AFF3: variants seen among roughly 807,000 people sequenced by gnomAD.
AFF3 encodes AF4/FMR2 family member 3.
A neutral mutation model predicts 129.7 loss-of-function variants in AFF3; 32 were observed. The observed-to-expected ratio is 0.25, with a 90% confidence interval of 0.19 to 0.33. The LOEUF is 0.33. Ranked by LOEUF, AFF3 falls within the 10% of genes least tolerant of loss-of-function variation. The probability of loss-of-function intolerance (pLI) is 1.00; values close to 1 mark genes in which losing one functional copy is unlikely to be tolerated. For missense variants in AFF3, 1,373 were observed against 1,592.0 expected, an observed-to-expected ratio of 0.86 and a Z score of 2.34; for synonymous variants, 644 against 635.4, an observed-to-expected ratio of 1.01 and a Z score of -0.20.
At chr2:99,730,680 A>T (rs1329053953) in intron 10 of AFF3, among the ~76,000 whole-genome samples, 1 of 151,746 alleles carries the variant, frequency 6.6e-6, no homozygotes, top group Non-Finnish European at 1.5e-5. Flanking sequence ...ATGCCCGGCT[A>T]ATGTTTTTAT....
At chr2:99,843,437 G>A (rs1025608812) in intron 7 of AFF3, among the ~76,000 whole-genome samples, 1 of 152,044 alleles carries the variant, frequency 6.6e-6, no homozygotes. Flanking sequence ...AAAATGCAAA[G>A]GAAAAATACA....
chr2:99,980,038 TC>T (rs1235905146), intron 7 of AFF3, among the ~76,000 whole-genome samples: 1 of 150,004 alleles, frequency 6.7e-6, no homozygotes, highest in Admixed American at 6.6e-5. Context: ...AATCTAAGTT[TC>T]CAGCCATTTT....
chr2:99,915,786 G>A (rs1443550109), intron 7 of AFF3, among the ~76,000 whole-genome samples: 1 of 152,032 alleles, frequency 6.6e-6, no homozygotes, highest in African/African-American at 2.4e-5. Flanking sequence ...TACTGTATTA[G>A]TCTATGTACT....
Position 99,593,829 on chromosome 2 carries a change from G to A in AFF3, c.1832C>T (p.Ala611Val), listed in dbSNP as rs1326776735. ...CACCACGCTCGTCCCCAGCGCGTCCGCGGCCGCGGGCTCCTCGGGCCGGTG... is the reference window on the plus strand; with the variant it reads ...CACCACGCTCGTCCCCAGCGCGTCCACGGCCGCGGGCTCCTCGGGCCGGTG... The part of the protein sequence containing the change: ...NCHRPEEPAA[A>V]DALGTSVVVP... Residue 611 changes from alanine to valine, a missense_variant, in exon 15 of 25, where the codon GCG (alanine) becomes GTG (valine). By Grantham distance (64) the Ala-to-Val change is moderately conservative (BLOSUM62 0). Coordinates refer to ENST00000672756, the MANE Select transcript of AFF3 (RefSeq NM_001386135.1). The A allele has an allele frequency of 5.0e-6, 8 of 1,604,430 alleles. No individual in the cohort carries two copies. Among genetic ancestry groups the A allele is most frequent in the African/African-American group, 1.3e-5 (1 of 74,518 alleles).
chr2:100,133,435 C>CT lies in AFF3; in HGVS notation c.-227-4130dup, dbSNP rs926698821. ...GAGTGCAGTCATACTACACATACTA[C>CT]TTTTTTTTTTCTTTTAGAGGCAGGG... On this transcript the variant is annotated intron_variant, in intron 1 of 24. Coordinates refer to ENST00000672756, the MANE Select transcript of AFF3 (RefSeq NM_001386135.1). 5.1e-4 allele frequency among the ~76,000 whole-genome samples: 77 copies of CT among 149,582 alleles called. 2 individuals carry two copies. Among genetic ancestry groups the CT allele is most frequent in the South Asian group, 4.3e-4 (2 of 4,686 alleles).
intron 7 of AFF3, among the ~76,000 whole-genome samples, chr2:99,953,311 A>C (rs1474363577): frequency 2.0e-5 from 3 of 152,208 alleles, no homozygotes; most frequent in African/African-American, 7.2e-5. Flanking sequence ...CTGGAAAAAA[A>C]ATGGAGACAA....
At chr2:99,638,890 G>T (rs1683924568) in intron 13 of AFF3, among the ~76,000 whole-genome samples, 1 of 152,178 alleles carries the variant, frequency 6.6e-6, no homozygotes. Context: ...CATTCTTTCT[G>T]AAAGAGATCA....
chr2:99,708,995 ATAG>A (rs1481461572), intron 11 of AFF3, among the ~76,000 whole-genome samples: 1 of 152,230 alleles, frequency 6.6e-6, no homozygotes, highest in Non-Finnish European at 1.5e-5. Context: ...ATAATACAAG[ATAG>A]GTGAAGAAGG....
intron 7 of AFF3, among the ~76,000 whole-genome samples, chr2:99,878,168 T>C (rs1692435266): frequency 6.6e-6 from 1 of 152,212 alleles, no homozygotes; most frequent in African/African-American, 2.4e-5. Flanking sequence ...AGAGGAAGGT[T>C]GCCTAACCTC....
intron 13 of AFF3, among the ~76,000 whole-genome samples, chr2:99,616,900 A>G (rs1396888536): frequency 1.3e-5 from 2 of 152,186 alleles, no homozygotes; most frequent in East Asian, 1.9e-4. Flanking sequence ...TAGACATGGA[A>G]TGATGTAAGT....
intron 4 of AFF3, among the ~76,000 whole-genome samples, chr2:100,024,763 G>A (rs1428845362): frequency 6.6e-6 from 1 of 152,106 alleles, no homozygotes. Context: ...TAAATGTATA[G>A]ATATGGGGAA....
intron 7 of AFF3, among the ~76,000 whole-genome samples, chr2:99,969,478 C>T (rs915192886): frequency 5.3e-5 from 8 of 150,518 alleles, no homozygotes; most frequent in Non-Finnish European, 8.9e-5. Context: ...ATTTTATTTT[C>T]ATTTATTTAT....
chr2:99,837,031 G>C (rs1410248324), intron 8 of AFF3, among the ~76,000 whole-genome samples: 1 of 152,182 alleles, frequency 6.6e-6, no homozygotes, highest in Non-Finnish European at 1.5e-5. Flanking sequence ...TGAAACAATA[G>C]AGAAATAACA....
At chr2:100,087,978 T>C (rs1197884656) in intron 4 of AFF3, among the ~76,000 whole-genome samples, 4 of 151,150 alleles carry the variant, frequency 2.6e-5, no homozygotes, top group Non-Finnish European at 4.4e-5. Context: ...CATCCTTTTG[T>C]GCTTAAAAAC....
intron 11 of AFF3, among the ~76,000 whole-genome samples, chr2:99,694,578 C>T (rs761641028): frequency 2.8e-4 from 43 of 152,160 alleles, no homozygotes; most frequent in Non-Finnish European, 4.9e-4. Context: ...CCACCCCACA[C>T]GCTGAATCAT....
At chr2:99,829,368 A>C (rs1004281145) in intron 8 of AFF3, among the ~76,000 whole-genome samples, 3 of 152,178 alleles carry the variant, frequency 2.0e-5, no homozygotes, top group Non-Finnish European at 4.4e-5. Flanking sequence ...AATGGGAGAA[A>C]ATTTTTGCAA....
At chr2:100,099,878 T>C (rs1690592052) in intron 4 of AFF3, among the ~76,000 whole-genome samples, 1 of 151,378 alleles carries the variant, frequency 6.6e-6, no homozygotes, top group African/African-American at 2.4e-5. Context: ...ATGATGCTCT[T>C]GTTTCACTTA....
chr2:99,823,556 A>G lies in AFF3; in HGVS notation c.921+13921T>C, dbSNP rs567786877. On this transcript the variant is annotated intron_variant, in intron 8 of 24. Coordinates refer to ENST00000672756, the MANE Select transcript of AFF3 (RefSeq NM_001386135.1). Reference sequence around the variant, plus strand: ...AGGAATAGTTTTAAATTAATACATTATAAGTGTAAAATAAGCATGCTGATC... The same window carrying G: ...AGGAATAGTTTTAAATTAATACATTGTAAGTGTAAAATAAGCATGCTGATC... 1.4e-4 allele frequency among the ~76,000 whole-genome samples: 22 copies of G among 152,346 alleles called. No individual in the cohort carries two copies. The East Asian group carries it at 4.0e-3, about 28-fold the overall frequency.
chr2:100,008,804 C>T lies in AFF3; in HGVS notation c.174+8G>A, dbSNP rs1426208524. The T allele has an allele frequency of 3.1e-6, 5 of 1,612,768 alleles. No homozygotes were observed. Among genetic ancestry groups the T allele is most frequent in the Non-Finnish European group, 4.2e-6 (5 of 1,179,376 alleles). ...AGAGGTAGAGATGAACAACTGAAAA[C>T]CATCTACCTTGTAGGGCTCACTGAA... On this transcript the variant is annotated splice_region_variant and intron_variant, in intron 5 of 24. Coordinates refer to ENST00000672756, the MANE Select transcript of AFF3 (RefSeq NM_001386135.1).
Sources: gnomAD v4.1 joint callset for allele counts (sites outside exome capture counted in the v4.1 genomes callset) on GRCh38, gnomAD v4.1.1 for gene constraint, MANE v1.5 for transcripts, NCBI Gene and HGNC (gene_info 2026-07-23, HGNC 2026-07-21) for gene names.